Variants in TFAP2A observed in about 807,000 individuals in gnomAD.
TFAP2A encodes transcription factor AP-2 alpha, also known as transcription factor AP-2-alpha.
In TFAP2A, 7 loss-of-function variants were observed where a neutral mutation model predicts 41.5. The observed-to-expected ratio is 0.17, with a 90% CI of 0.10 to 0.32. The LOEUF (loss-of-function observed/expected upper bound fraction) is 0.32, where lower values mean the gene tolerates loss of function less well. Among genes scored for constraint, TFAP2A ranks in the 10% least tolerant of loss-of-function variants. TFAP2A has a pLI of 1.00. For synonymous variants in TFAP2A, 247 were observed against 242.8 expected (o/e 1.02, Z -0.16); for missense variants, 416 against 563.3 (o/e 0.74, Z 2.65).
At chr6:10,415,533 G>T (rs1001278287), upstream of TFAP2A, 2 of 219,370 alleles carry the variant, frequency 9.1e-6, no homozygotes, top group East Asian at 1.1e-4. Context: ...TTCTTTCTCC[G>T]CTTCCTTTTC....
chr6:10,398,292 C>G lies in TFAP2A; in HGVS notation c.*125G>C. On this transcript the variant is annotated 3_prime_UTR_variant, in exon 7 of 7. Transcript: ENST00000379613. This position sits in a 1 kb window ranked among gnomAD's most constrained non-coding sequence, Gnocchi z 5.3. Reference sequence around the variant, plus strand: ...GACCCAAGGGCAGCGGCGGCGGCGGCGGCGGCAGCAGCAGCAGCAGTAGCA... The same window carrying G: ...GACCCAAGGGCAGCGGCGGCGGCGGGGGCGGCAGCAGCAGCAGCAGTAGCA... The G allele has an allele frequency of 1.9e-6, 3 of 1,583,782 alleles. No homozygotes were observed. The Admixed American group carries it at 5.1e-5, about 27-fold the overall frequency.
chr6:10,412,239 G>T lies in TFAP2A; in HGVS notation c.52-1904C>A, dbSNP rs542107736. ...AGCGGGCGAGCGCGCGGGGGGCCGC[G>T]GCGCGGCGTCTGGCGAATCACAGGG... On this transcript the variant is annotated intron_variant, in intron 1 of 6. Transcript: ENST00000379613. The T allele has an allele frequency of 3.9e-5, 39 of 988,054 alleles. 1 individual carries two copies. In the Middle Eastern group the frequency reaches 1.6e-3, roughly 40 times the overall value. The allele number at this position is 988,054 out of a possible 1,614,324, so 61.2% of individuals were successfully genotyped here.
chr6:10,403,823 T>C (rs1426797924), intron 4 of TFAP2A, among the ~76,000 whole-genome samples: 2 of 152,142 alleles, frequency 1.3e-5, no homozygotes, highest in South Asian at 2.1e-4. Context: ...AACAGATGCA[T>C]TCCTTGGTAG....
rs1757617197 is a variant in TFAP2A at position 10,404,670 on chromosome 6, A to C, written c.608T>G (p.Phe203Cys). 1.2e-6 allele frequency: 2 copies of C among 1,613,996 alleles called. No individual in the cohort carries two copies. The highest frequency in any genetic ancestry group is 2.2e-5 in the South Asian group (2 of 91,088). The change falls in exon 4 of 7, where the codon TTC becomes TGC. Residue 203 changes from phenylalanine (F) to cysteine (C), a missense_variant. Physicochemically the swap from Phe to Cys is radical, Grantham distance 205 (BLOSUM62 -2). Around this residue, in one of 3 missense-constraint regions of TFAP2A, gnomAD observed 241 missense variants for 274.1 expected, o/e 0.88. Coordinates refer to ENST00000379613, the MANE Select transcript of TFAP2A (RefSeq NM_001372066.1). ...SAIPINKDNL[F>C]GGVVNPNEVF... is the part of the protein sequence containing the mutation. ...TTCGTTGGGGTTCACCACGCCGCCG[A>C]AGAGGTTGTCCTTGTTAATAGGGAT...
At chr6:10,402,175 GTTATTT>G in intron 5 of TFAP2A, 1 of 404,576 alleles carries the variant, frequency 2.5e-6, no homozygotes, top group Non-Finnish European at 4.7e-6. Flanking sequence ...AATAACTTAA[GTTATTT>G]ACTGCTGAGC....
chr6:10,417,823 A>G (rs1758300720), upstream of TFAP2A, among the ~76,000 whole-genome samples: 1 of 152,010 alleles, frequency 6.6e-6, no homozygotes, highest in Non-Finnish European at 1.5e-5. Flanking sequence ...TGAGCCCGCA[A>G]GAGCCAGGCC....
intron 4 of TFAP2A, among the ~76,000 whole-genome samples, chr6:10,404,029 C>T (rs1357643554): frequency 3.3e-5 from 5 of 152,216 alleles, no homozygotes; most frequent in Non-Finnish European, 5.9e-5. Flanking sequence ...TCTATTAAAA[C>T]CCTATACAAG....
chr6:10,411,728 A>G (rs1757979242), intron 1 of TFAP2A: 1 of 1,527,626 alleles, frequency 6.5e-7, no homozygotes, highest in South Asian at 1.2e-5. Flanking sequence ...GACTCCAGTC[A>G]CGGCGCCGAC....
rs1218172323 is a variant in TFAP2A, at chr6:10,404,903, C to T, written c.539-164G>A. ...TTCTGTGGCTCTGCTACTTCCCTTC[C>T]TCGGGCTCGAGCCCTTCCCTACCTC... On this transcript the variant is annotated intron_variant, in intron 3 of 6. Transcript: ENST00000379613. 13 of 675,304 alleles carry T rather than the reference C, an allele frequency of 1.9e-5. No individual in the cohort carries two copies. The South Asian group carries it at 2.4e-4, about 13-fold the overall frequency. 41.8% of individuals were successfully genotyped at this position (675,304 alleles called of 1,614,324 possible).
At chr6:10,402,904 C>T (rs1460835862) in intron 4 of TFAP2A, among the ~76,000 whole-genome samples, 1 of 152,234 alleles carries the variant, frequency 6.6e-6, no homozygotes, top group Non-Finnish European at 1.5e-5. Flanking sequence ...ACAGCCCCAT[C>T]TCTAGGGTTT....
chr6:10,398,238 T>A lies in TFAP2A; in HGVS notation c.*179A>T. The A allele has an allele frequency of 3.3e-6, 5 of 1,497,382 alleles. No homozygotes were observed. The highest frequency in any genetic ancestry group is 4.4e-6 in the Non-Finnish European group (5 of 1,128,078). 92.8% of individuals were successfully genotyped at this position (1,497,382 alleles called of 1,614,324 possible). A position where few individuals can be genotyped will look rare whatever the true frequency, so the allele number is the denominator to read the frequency against. On this transcript the variant is annotated 3_prime_UTR_variant, in exon 7 of 7. Transcript: ENST00000379613. The surrounding 1 kb of genome is among the most constrained non-coding windows in gnomAD (Gnocchi z 5.3). ...GTCGGAGAGGCTGCCCCACTGACAG[T>A]CGAGAGGGCAGTCCCGGAGACTCGG...
At position 10,398,026 on chromosome 6, in the gene TFAP2A, GAA is replaced by G; in HGVS notation, c.*389_*390del. ...TTTTTTTATTTTCACTTTTTTTTTAGAAAAAAGTTTTTAATTTTTGTTGTTGT... is the reference window on the plus strand; with the variant it reads ...TTTTTTTATTTTCACTTTTTTTTTAGAAAAGTTTTTAATTTTTGTTGTTGT... On this transcript the variant is annotated 3_prime_UTR_variant, in exon 7 of 7. Coordinates refer to ENST00000379613, the MANE Select transcript of TFAP2A (RefSeq NM_001372066.1). The surrounding 1 kb of genome is among the most constrained non-coding windows in gnomAD (Gnocchi z 5.3). The G allele has an allele frequency of 9.4e-7, 1 of 1,063,004 alleles. No homozygotes were observed. The highest frequency in any genetic ancestry group is 1.1e-6 in the Non-Finnish European group (1 of 879,092). The allele number at this position is 1,063,004 out of a possible 1,614,324, so 65.8% of individuals were successfully genotyped here.
rs761285011 is a variant in TFAP2A at position 10,406,792 on chromosome 6, C to T, written c.538+1G>A. The T allele has an allele frequency of 6.2e-7, 1 of 1,612,798 alleles. No homozygotes were observed. The highest frequency in any genetic ancestry group is 1.7e-5 in the Admixed American group (1 of 60,034). ...TTGGAATGCAGAAGGAAATGGCTTA[C>T]CTTTCTTAATTACAGTTTGATCTGG... is the stretch of plus-strand genomic sequence containing the variant. On this transcript the variant is annotated splice_donor_variant, in intron 3 of 6. Coordinates refer to ENST00000379613, the MANE Select transcript of TFAP2A (RefSeq NM_001372066.1). LOFTEE classifies it high-confidence loss of function.
At chr6:10,410,547 A>T (rs571435748) in intron 1 of TFAP2A, among the ~76,000 whole-genome samples, 5 of 152,230 alleles carry the variant, frequency 3.3e-5, no homozygotes, top group Admixed American at 2.6e-4. Context: ...GAGGGGGCAC[A>T]AGAGACTATT....
In TFAP2A at chr6:10,398,007, T is replaced by A. The variant is rs1419713131; in HGVS notation, c.*410A>T. ...CCCATGAAGCGCATATAATTTTTTT[T>A]ATTTTCACTTTTTTTTTAGAAAAAA... is the stretch of plus-strand genomic sequence containing the variant. On this transcript the variant is annotated 3_prime_UTR_variant, in exon 7 of 7. Coordinates refer to ENST00000379613, the MANE Select transcript of TFAP2A (RefSeq NM_001372066.1). The surrounding 1 kb of genome is among the most constrained non-coding windows in gnomAD (Gnocchi z 5.3). 1.9e-6 allele frequency: 2 copies of A among 1,070,418 alleles called. No individual in the cohort carries two copies. The highest frequency in any genetic ancestry group is 7.8e-5 in the East Asian group (1 of 12,758). The allele number at this position is 1,070,418 out of a possible 1,614,324, so 66.3% of individuals were successfully genotyped here. A position where few individuals can be genotyped will look rare whatever the true frequency, so the allele number is the denominator to read the frequency against.
chr6:10,402,987 T>C, intron 4 of TFAP2A, among the ~76,000 whole-genome samples: 1 of 152,248 alleles, frequency 6.6e-6, no homozygotes, highest in African/African-American at 2.4e-5. Context: ...ATGGGGTCTT[T>C]AAAACTGTCT....
rs777729482 is a variant in TFAP2A at position 10,409,952 on chromosome 6, T to G, written c.435A>C (p.Gly145=). ...AGGAGTGGATCGAGAGGTCTCCGAGTCCTGAGCTGAGCGCGTGTGGGCCGT... is the reference window on the plus strand; with the variant it reads ...AGGAGTGGATCGAGAGGTCTCCGAGGCCTGAGCTGAGCGCGTGTGGGCCGT... ...LLHGPHALSS[G]LGDLSIHSLP... The change falls in exon 2 of 7, where the codon GGA becomes GGC. Residue 145 remains glycine (G), a synonymous_variant. Transcript: ENST00000379613. 1.3e-6 allele frequency: 2 copies of G among 1,567,072 alleles called. No homozygotes were observed. The highest frequency in any genetic ancestry group is 1.7e-6 in the Non-Finnish European group (2 of 1,156,108).
intron 1 of TFAP2A, chr6:10,412,689 G>A (rs1346622492): frequency 5.8e-6 from 2 of 346,612 alleles, no homozygotes; most frequent in Non-Finnish European, 1.2e-5. Context: ...CGCGGCAGGC[G>A]CTTCCCGGCC....
At chr6:10,417,829 A>C (rs115262601), upstream of TFAP2A, among the ~76,000 whole-genome samples, 1,374 of 152,218 alleles carry the variant, frequency 9.0e-3, 14 homozygotes, top group Admixed American at 0.013. Flanking sequence ...CGCAAGAGCC[A>C]GGCCCGCGGC....
Sources: gnomAD v4.1 joint callset for allele counts (sites outside exome capture counted in the v4.1 genomes callset) on GRCh38, gnomAD v4.1.1 for gene constraint, gnomAD v4.1.1 regional missense constraint, Gnocchi (gnomAD v3.1) non-coding constraint, MANE v1.5 for transcripts, NCBI Gene and HGNC (gene_info 2026-07-23, HGNC 2026-07-21) for gene names.